The following MCTP1 variants were observed in gnomAD, a reference collection of about 807,000 sequenced individuals.
MCTP1 encodes multiple C2 and transmembrane domain containing 1.
In MCTP1, 69 loss-of-function variants were observed where a neutral mutation model predicts 120.6. The ratio of observed to expected loss-of-function variants is 0.57; its 90% CI spans 0.47 to 0.70. MCTP1 has a LOEUF of 0.70. Among genes scored for constraint, MCTP1 ranks in the 30% least tolerant of loss-of-function variants. MCTP1 has a pLI of 0.00. For synonymous variants in MCTP1, 529 were observed against 493.1 expected (o/e 1.07, Z -0.96); for missense variants, 1,203 against 1,248.8 (o/e 0.96, Z 0.55).
chr5:94,932,213 T>TAA (rs368203326), intron 5 of MCTP1, among the ~76,000 whole-genome samples: 4,479 of 95,796 alleles, frequency 0.047, 112 homozygotes, highest in Middle Eastern at 0.075. Context: ...TATTCCTTTG[T>TAA]AAAAAAAAAA....
At chr5:95,187,399 G>GT (rs1032978987) in intron 1 of MCTP1, among the ~76,000 whole-genome samples, 1 of 152,020 alleles carries the variant, frequency 6.6e-6, no homozygotes, top group Non-Finnish European at 1.5e-5. Context: ...CTCAAATCAA[G>GT]TTTTTTTGTT....
chr5:95,204,378 T>G (rs1341329302), intron 1 of MCTP1, among the ~76,000 whole-genome samples: 2 of 152,054 alleles, frequency 1.3e-5, no homozygotes, highest in African/African-American at 2.4e-5. Context: ...CTCAACATGG[T>G]AAAGGGCATC....
chr5:94,841,818 A>G (rs1189545518), intron 17 of MCTP1, among the ~76,000 whole-genome samples: 1 of 152,196 alleles, frequency 6.6e-6, no homozygotes, highest in Non-Finnish European at 1.5e-5. Context: ...TGAGCTGGGC[A>G]TTAAATTTGC....
chr5:94,871,434 T>C lies in MCTP1; in HGVS notation c.2037-17A>G, dbSNP rs1302057458. 3 of 1,535,954 alleles carry C rather than the reference T, an allele frequency of 2.0e-6. No individual in the cohort carries two copies. The highest frequency in any genetic ancestry group is 1.4e-5 in the African/African-American group (1 of 73,214). On this transcript the variant is annotated splice_polypyrimidine_tract_variant and intron_variant, in intron 13 of 22. Transcript: ENST00000515393. ...TTAATGTTGCTGCATAATAAATATA[T>C]GTAAGAAAAAAAGATTTCATCAGTA...
intron 10 of MCTP1, among the ~76,000 whole-genome samples, chr5:94,897,043 A>G (rs1804187621): frequency 6.6e-6 from 1 of 151,966 alleles, no homozygotes; most frequent in Admixed American, 6.6e-5. Flanking sequence ...AGTGGGTAAT[A>G]TCTGGACTTT....
chr5:94,807,169 CT>C (rs1348506485), intron 17 of MCTP1, among the ~76,000 whole-genome samples: 1 of 152,216 alleles, frequency 6.6e-6, no homozygotes, highest in Admixed American at 6.5e-5. Flanking sequence ...TCTGGAAGGA[CT>C]TTTTTGGGTC....
intron 18 of MCTP1, chr5:94,791,951 C>A (rs1779062283): frequency 6.6e-6 from 1 of 152,518 alleles, no homozygotes; most frequent in Non-Finnish European, 1.5e-5. Flanking sequence ...AACCGGCTTG[C>A]CTACAAGTCT....
At chr5:95,139,955 A>C (rs1759768908) in intron 1 of MCTP1, among the ~76,000 whole-genome samples, 1 of 152,232 alleles carries the variant, frequency 6.6e-6, no homozygotes, top group African/African-American at 2.4e-5. Flanking sequence ...AAAATCATTA[A>C]ATTTAAAAGT....
chr5:95,052,850 A>G (rs1157561381), intron 1 of MCTP1, among the ~76,000 whole-genome samples: 1 of 152,258 alleles, frequency 6.6e-6, no homozygotes, highest in East Asian at 1.9e-4. Context: ...AGACTGGGGT[A>G]GCCGTCCAGT....
chr5:94,741,295 G>T (rs1765475543), intron 19 of MCTP1, among the ~76,000 whole-genome samples: 2 of 152,126 alleles, frequency 1.3e-5, no homozygotes, highest in South Asian at 4.1e-4. Context: ...TTAAAAAAAG[G>T]AAATGATGAT....
intron 22 of MCTP1, 138 bp downstream of exon 22, chr5:94,708,374 G>T: frequency 1.8e-6 from 1 of 542,462 alleles, no homozygotes; most frequent in Non-Finnish European, 3.2e-6. Context: ...ATTTCTGACT[G>T]GTAAAATCTG....
chr5:95,226,970 T>C (rs1754348065), intron 1 of MCTP1, among the ~76,000 whole-genome samples: 4 of 152,048 alleles, frequency 2.6e-5, no homozygotes, highest in Admixed American at 2.6e-4. Flanking sequence ...AAAGAAAAGA[T>C]TACATTCCAT....
At position 95,285,003 on chromosome 5, in the gene MCTP1, G is replaced by A. The variant is rs1760634160; in HGVS notation, c.-428C>T. Among the ~76,000 whole-genome samples, 1 of 152,152 alleles carries A rather than the reference G, an allele frequency of 6.6e-6. No individual in the cohort carries two copies. The highest frequency in any genetic ancestry group is 2.4e-5 in the African/African-American group (1 of 41,442). ...TGCGCGTCCAGCTGCGCCAGGGACC[G>A]CACCCGGCGCCCTCTGGGCAGCACC... is the stretch of plus-strand genomic sequence containing the variant. On this transcript the variant is annotated 5_prime_UTR_variant, in exon 1 of 23. Transcript: ENST00000515393.
At chr5:94,935,335 C>T (rs1815908907) in intron 5 of MCTP1, among the ~76,000 whole-genome samples, 2 of 151,974 alleles carry the variant, frequency 1.3e-5, no homozygotes, top group Non-Finnish European at 2.9e-5. Context: ...TGGCAATCCA[C>T]ACAAGGAGAA....
At chr5:95,102,995 G>T (rs1756849582) in intron 1 of MCTP1, among the ~76,000 whole-genome samples, 1 of 152,102 alleles carries the variant, frequency 6.6e-6, no homozygotes, top group Admixed American at 6.6e-5. Flanking sequence ...AAAATAGGAT[G>T]GGAATAGTAC....
intron 17 of MCTP1, among the ~76,000 whole-genome samples, chr5:94,843,590 A>T (rs181499648): frequency 6.6e-6 from 1 of 152,316 alleles, no homozygotes; most frequent in Non-Finnish European, 1.5e-5. Context: ...GTTTTATTTT[A>T]AACATCTTTC....
chr5:95,004,900 T>A (rs1023664752), intron 2 of MCTP1, among the ~76,000 whole-genome samples: 4 of 152,090 alleles, frequency 2.6e-5, no homozygotes, highest in African/African-American at 9.7e-5. Context: ...AATGGAGCTG[T>A]GAGGAGAGGG....
intron 17 of MCTP1, among the ~76,000 whole-genome samples, chr5:94,844,830 CT>C (rs754220080): frequency 3.9e-5 from 6 of 152,136 alleles, no homozygotes; most frequent in Admixed American, 3.3e-4. Flanking sequence ...GTCTCCTTCT[CT>C]TTTTTTCTTT....
rs567892182 is a variant in MCTP1, at chr5:94,850,480, C to T, written c.2436+17853G>A. Among the ~76,000 whole-genome samples the T allele has an allele frequency of 1.9e-4, 29 of 152,238 alleles. No individual in the cohort carries two copies. The South Asian group carries it at 2.1e-3, about 11-fold the overall frequency. ...ACCTACAGGCTAAACTGCAGAATGA[C>T]ATACAAGACAATTAGCATGGAGGGG... On this transcript the variant is annotated intron_variant, in intron 17 of 22. Transcript: ENST00000515393.
Sources: gnomAD v4.1 joint callset for allele counts (sites outside exome capture counted in the v4.1 genomes callset) on GRCh38, gnomAD v4.1.1 for gene constraint, MANE v1.5 for transcripts, NCBI Gene and HGNC (gene_info 2026-07-23, HGNC 2026-07-21) for gene names.